STK32B: variants seen among roughly 807,000 people sequenced by gnomAD.
STK32B encodes the protein serine/threonine kinase 32B.
A neutral mutation model predicts 52.6 loss-of-function variants in STK32B; 43 were observed. The observed-to-expected ratio is 0.82, with a 90% confidence interval of 0.64 to 1.05. The LOEUF is 1.05. Ranked by LOEUF, STK32B falls within the 50% of genes least tolerant of loss-of-function variation. STK32B has a pLI of 0.00. For synonymous variants in STK32B, 238 were observed against 204.3 expected, an observed-to-expected ratio of 1.17 and a Z score of -1.41; for missense variants, 621 against 534.6, an observed-to-expected ratio of 1.16 and a Z score of -1.59.
intron 1 of STK32B, among the ~76,000 whole-genome samples, chr4:5,055,763 C>G (rs962866137): frequency 6.6e-6 from 1 of 152,128 alleles, no homozygotes; most frequent in African/African-American, 2.4e-5. Flanking sequence ...TCCCCCCCAG[C>G]CCACTCTCAC....
Position 5,466,797 on chromosome 4 carries a change from A to G in STK32B, c.1004A>G (p.Asn335Ser), listed in dbSNP as rs574395382. 23 of 1,613,894 alleles carry G rather than the reference A, an allele frequency of 1.4e-5. No individual in the cohort carries two copies. The Admixed American group carries it at 2.5e-4, about 18-fold the overall frequency. ...AAAAAGAAGAAGCGATTGGCAAAGAACAGATCCAGGGATGGCACAAAGGAC... is the reference window on the plus strand; with the variant it reads ...AAAAAGAAGAAGCGATTGGCAAAGAGCAGATCCAGGGATGGCACAAAGGAC... Reference protein sequence around the residue: ...LHKKKKRLAKNRSRDGTKDSC... With the variant: ...LHKKKKRLAKSRSRDGTKDSC... Residue 335 changes from asparagine (N) to serine (S), a missense_variant, in exon 10 of 12, where the codon AAC (asparagine) becomes AGC (serine). Asn to Ser is a conservative substitution (Grantham distance 46). Transcript: ENST00000282908.
At chr4:5,291,089 C>T (rs987066300) in intron 3 of STK32B, among the ~76,000 whole-genome samples, 1 of 152,050 alleles carries the variant, frequency 6.6e-6, no homozygotes, top group Non-Finnish European at 1.5e-5. Context: ...GTCTTCGTTA[C>T]TATAACATTG....
intron 1 of STK32B, among the ~76,000 whole-genome samples, chr4:5,138,288 A>T (rs1015907614): frequency 6.6e-6 from 1 of 152,104 alleles, no homozygotes; most frequent in Non-Finnish European, 1.5e-5. Context: ...CAGCATAATT[A>T]TCCTCCATTG....
chr4:5,345,788 T>C lies in STK32B; in HGVS notation c.434+14395T>C, dbSNP rs114633224. Among the ~76,000 whole-genome samples the C allele has an allele frequency of 9.4e-3, 1,428 of 152,386 alleles. 12 individuals carry two copies. Among genetic ancestry groups the C allele is most frequent in the African/African-American group, 0.032 (1,348 of 41,584 alleles). On this transcript the variant is annotated intron_variant, in intron 4 of 11. Coordinates refer to ENST00000282908, the MANE Select transcript of STK32B (RefSeq NM_018401.3). The stretch of plus-strand genomic sequence containing the variant: ...ACACGTATCCATAGAATTGATCTGC[T>C]ATCCAAGCTTTCGTGATGGAAACGT...
intron 9 of STK32B, among the ~76,000 whole-genome samples, chr4:5,463,915 C>T (rs1158780208): frequency 2.0e-5 from 3 of 152,192 alleles, no homozygotes; most frequent in African/African-American, 7.2e-5. Context: ...TCTTGCATTG[C>T]TATAAAGGAA....
intron 4 of STK32B, among the ~76,000 whole-genome samples, chr4:5,361,175 T>C (rs1035061415): frequency 1.3e-5 from 2 of 152,210 alleles, no homozygotes; most frequent in Admixed American, 6.5e-5. Context: ...TAGAATGATA[T>C]TGCATTGTAT....
chr4:5,095,453 A>G (rs1380204097), intron 1 of STK32B, among the ~76,000 whole-genome samples: 1 of 152,110 alleles, frequency 6.6e-6, no homozygotes, highest in Non-Finnish European at 1.5e-5. Context: ...TGCCTCTATT[A>G]AAACTATAAA....
rs1304951556 is a variant in STK32B at position 5,491,259 on chromosome 4, T to G, written c.1107-7686T>G. On this transcript the variant is annotated intron_variant, in intron 11 of 11. Coordinates refer to ENST00000282908, the MANE Select transcript of STK32B (RefSeq NM_018401.3). Reference sequence around the variant, plus strand: ...TGTTGTTTCCTGACTTTTTAATGATTGCCATTCTAACTAACTGGTGTGAGA... The same window carrying G: ...TGTTGTTTCCTGACTTTTTAATGATGGCCATTCTAACTAACTGGTGTGAGA... Among the ~76,000 whole-genome samples the G allele has an allele frequency of 4.6e-5, 7 of 152,290 alleles. No homozygotes were observed. The East Asian group carries it at 1.4e-3, about 29-fold the overall frequency.
At chr4:5,345,998 G>A (rs376547306) in intron 4 of STK32B, among the ~76,000 whole-genome samples, 1 of 152,110 alleles carries the variant, frequency 6.6e-6, no homozygotes, top group South Asian at 2.1e-4. Context: ...AATATCATTT[G>A]TGTTCCTATA....
In STK32B at chr4:5,303,416, C is replaced by T. The variant is rs1472595589; in HGVS notation, c.261-27804C>T. Among the ~76,000 whole-genome samples the T allele has an allele frequency of 7.2e-5, 11 of 152,086 alleles. No homozygotes were observed. In the East Asian group the frequency reaches 1.2e-3, roughly 16 times the overall value. On this transcript the variant is annotated intron_variant, in intron 3 of 11. Transcript: ENST00000282908. Reference sequence around the variant, plus strand: ...GGTATCGCATTGTGGTTTTTATTTACACTTCTGTGATAATTAGTGATGTTG... The same window carrying T: ...GGTATCGCATTGTGGTTTTTATTTATACTTCTGTGATAATTAGTGATGTTG...
At chr4:5,264,478 A>T (rs1352638363) in intron 3 of STK32B, among the ~76,000 whole-genome samples, 3 of 142,740 alleles carry the variant, frequency 2.1e-5, no homozygotes, top group Non-Finnish European at 1.5e-5. Flanking sequence ...TATTTTTAAA[A>T]CTTAAAAAAA....
At chr4:5,436,692 G>A in intron 6 of STK32B, 2 of 983,200 alleles carry the variant, frequency 2.0e-6, no homozygotes, top group Non-Finnish European at 2.4e-6. Flanking sequence ...GAATCACGCA[G>A]AATTGGCAGC....
At chr4:5,445,737 T>A (rs1003807725) in intron 6 of STK32B, among the ~76,000 whole-genome samples, 1 of 152,244 alleles carries the variant, frequency 6.6e-6, no homozygotes, top group Non-Finnish European at 1.5e-5. Context: ...CAATGTTTTA[T>A]GAGCACCGCC....
In STK32B at chr4:5,399,312, C is replaced by T. The variant is rs374762626; in HGVS notation, c.472+1068C>T. On this transcript the variant is annotated intron_variant, in intron 5 of 11. Coordinates refer to ENST00000282908, the MANE Select transcript of STK32B (RefSeq NM_018401.3). The surrounding 1 kb of genome is among the most constrained non-coding windows in gnomAD (Gnocchi z 5.4). ...TACGCAGCTCCCCCACCCTCCTTCC[C>T]CACCTCTGCAGGCTGAGGTCATGGT... Among the ~76,000 whole-genome samples the T allele has an allele frequency of 2.0e-5, 3 of 152,198 alleles. No individual in the cohort carries two copies. Among genetic ancestry groups the T allele is most frequent in the Non-Finnish European group, 2.9e-5 (2 of 68,038 alleles).
chr4:5,267,579 C>T (rs1727136019), intron 3 of STK32B, among the ~76,000 whole-genome samples: 2 of 152,158 alleles, frequency 1.3e-5, no homozygotes, highest in South Asian at 4.1e-4. Context: ...GTGACTCGCC[C>T]AGGGTCGCGC....
chr4:5,439,210 G>C (rs1404838222), intron 6 of STK32B, among the ~76,000 whole-genome samples: 2 of 149,996 alleles, frequency 1.3e-5, no homozygotes, highest in Admixed American at 6.6e-5. Context: ...CTAGTTTACA[G>C]TCCCACCAAC....
At chr4:5,448,452 T>G (rs984287330) in intron 7 of STK32B, among the ~76,000 whole-genome samples, 1 of 152,170 alleles carries the variant, frequency 6.6e-6, no homozygotes, top group Non-Finnish European at 1.5e-5. Context: ...TAATCTTATG[T>G]AATCAATCAC....
chr4:5,192,465 C>T (rs551812018), intron 3 of STK32B, among the ~76,000 whole-genome samples: 6 of 152,044 alleles, frequency 3.9e-5, no homozygotes, highest in South Asian at 2.1e-4. Context: ...AACATTTACA[C>T]ACACACGCTA....
intron 3 of STK32B, among the ~76,000 whole-genome samples, chr4:5,246,275 T>C (rs1725446242): frequency 6.6e-6 from 1 of 152,204 alleles, no homozygotes; most frequent in African/African-American, 2.4e-5. Flanking sequence ...TTCATTTCTT[T>C]TTATTCTTTT....
Sources: gnomAD v4.1 joint callset for allele counts (sites outside exome capture counted in the v4.1 genomes callset) on GRCh38, gnomAD v4.1.1 for gene constraint, Gnocchi (gnomAD v3.1) non-coding constraint, MANE v1.5 for transcripts, NCBI Gene and HGNC (gene_info 2026-07-23, HGNC 2026-07-21) for gene names.